PCDHA4: variants seen among roughly 807,000 people sequenced by gnomAD.
The protein encoded by PCDHA4 is protocadherin alpha 4, also known as protocadherin alpha-4.
PCDHA4 carries 49 observed loss-of-function variants against 61.4 expected under a neutral mutation model. The ratio of observed to expected loss-of-function variants is 0.80; its 90% CI spans 0.63 to 1.01. PCDHA4 has a LOEUF of 1.01. Ranked by LOEUF, PCDHA4 falls within the 50% of genes least tolerant of loss-of-function variation. The probability of loss-of-function intolerance (pLI) is 0.00; values close to 1 mark genes in which losing one functional copy is unlikely to be tolerated. For missense variants in PCDHA4, 1,254 were observed against 1,235.8 expected, an observed-to-expected ratio of 1.01 and a Z score of -0.22; for synonymous variants, 590 against 550.3, an observed-to-expected ratio of 1.07 and a Z score of -1.01.
intron 1 of PCDHA4, chr5:140,842,406 A>G: frequency 6.2e-7 from 1 of 1,612,200 alleles, no homozygotes; most frequent in Non-Finnish European, 8.5e-7. Context: ...GTACGTGAAG[A>G]CGCTCAATTT....
At chr5:140,852,885 A>AT (rs2150523673) in intron 1 of PCDHA4, 18,210 of 741,434 alleles carry the variant, frequency 0.025, 18 homozygotes, top group Non-Finnish European at 0.027. Context: ...CATAAAACGT[A>AT]TTTTTTTTTT....
chr5:140,897,975 C>T (rs2066435180), intron 1 of PCDHA4, among the ~76,000 whole-genome samples: 1 of 152,228 alleles, frequency 6.6e-6, no homozygotes. Context: ...CTTTTGGCTG[C>T]ATAAATGTCT....
intron 1 of PCDHA4, chr5:140,816,072 A>G (rs1300909474): frequency 1.3e-5 from 2 of 152,144 alleles, no homozygotes; most frequent in African/African-American, 4.8e-5. Flanking sequence ...TTCAGATGTA[A>G]TTTTAAAAAA....
intron 1 of PCDHA4, chr5:140,868,729 T>C (rs1467955446): frequency 5.1e-6 from 1 of 195,146 alleles, no homozygotes; most frequent in African/African-American, 2.3e-5. Flanking sequence ...TTGATGTTAA[T>C]CGAGAAATAC....
intron 1 of PCDHA4, among the ~76,000 whole-genome samples, chr5:140,978,737 G>A (rs2096820627): frequency 6.6e-6 from 1 of 152,180 alleles, no homozygotes; most frequent in Admixed American, 6.5e-5. Context: ...GGTCTTCCAG[G>A]GTATCTAATC....
chr5:140,884,053 C>G (rs782043806), intron 1 of PCDHA4: 1 of 1,613,496 alleles, frequency 6.2e-7, no homozygotes, highest in Admixed American at 1.7e-5. Context: ...CGAAGGTGCG[C>G]GCGGTGGACG....
In PCDHA4 at chr5:140,944,181, G is replaced by A. The variant is rs112665762; in HGVS notation, c.2386-34768G>A. 4.3e-3 allele frequency among the ~76,000 whole-genome samples: 661 copies of A among 151,992 alleles called. 7 individuals are homozygous for A. Among genetic ancestry groups the A allele is most frequent in the African/African-American group, 0.015 (616 of 41,488 alleles). On this transcript the variant is annotated intron_variant, in intron 1 of 3. Coordinates refer to ENST00000530339, the MANE Select transcript of PCDHA4 (RefSeq NM_018907.4). ...AAAGGGCCAAGGCTGGTTTTTTGTTGGTTTGTTTTGTTTTGTTTTGTTTTT... is the reference window on the plus strand; with the variant it reads ...AAAGGGCCAAGGCTGGTTTTTTGTTAGTTTGTTTTGTTTTGTTTTGTTTTT...
In PCDHA4 at chr5:140,809,119, C is replaced by T; in HGVS notation, c.1932C>T (p.Arg644=). ...CCCTGGACGAAACGGACGCTCCGCGCCACCGCCTACTGGTACTGGTGAAGG... is the reference window on the plus strand; with the variant it reads ...CCCTGGACGAAACGGACGCTCCGCGTCACCGCCTACTGGTACTGGTGAAGG... The part of the protein sequence containing the change: ...TRALDETDAP[R]HRLLVLVKDH... The change falls in exon 1 of 4, where the codon CGC becomes CGT. Residue 644 remains arginine, a synonymous_variant. Transcript: ENST00000530339. The T allele has an allele frequency of 6.2e-7, 1 of 1,613,992 alleles. No homozygotes were observed. Among genetic ancestry groups the T allele is most frequent in the Non-Finnish European group, 8.5e-7 (1 of 1,179,940 alleles).
intron 1 of PCDHA4, among the ~76,000 whole-genome samples, chr5:140,972,784 C>T (rs2096555970): frequency 1.3e-5 from 2 of 151,762 alleles, no homozygotes; most frequent in South Asian, 4.2e-4. Context: ...CTGCCTCAGC[C>T]TCCTGAGTAG....
rs140660802 is a variant in PCDHA4 at position 140,849,759 on chromosome 5, G to C, written c.2385+40187G>C. 47 of 1,598,444 alleles carry C rather than the reference G, an allele frequency of 2.9e-5. 6 individuals are homozygous for C. Among genetic ancestry groups the C allele is most frequent in the Non-Finnish European group, 4.0e-5 (47 of 1,167,970 alleles). ...GGACCGCGAGAGTGTGTCCGCCTAC[G>C]AGCTGGTGGTTACCGCGCGGGACGG... On this transcript the variant is annotated intron_variant, in intron 1 of 3. Coordinates refer to ENST00000530339, the MANE Select transcript of PCDHA4 (RefSeq NM_018907.4).
rs79396364 is a variant in PCDHA4 at position 140,939,917 on chromosome 5, T to C, written c.2386-39032T>C. On this transcript the variant is annotated intron_variant, in intron 1 of 3. Transcript: ENST00000530339. ...TATTCTGCATTCTTTTTTATTCTTT[T>C]TGTTTGCTTATTTTATCAGTTACTG... is the stretch of plus-strand genomic sequence containing the variant. Among the ~76,000 whole-genome samples, 828 of 152,316 alleles carry C rather than the reference T, an allele frequency of 5.4e-3. 3 individuals carry two copies. The highest frequency in any genetic ancestry group is 0.019 in the African/African-American group (797 of 41,560).
At chr5:140,949,290 G>C (rs552572317) in intron 1 of PCDHA4, among the ~76,000 whole-genome samples, 5 of 151,900 alleles carry the variant, frequency 3.3e-5, no homozygotes, top group South Asian at 2.1e-4. Flanking sequence ...TGTATATTCT[G>C]TAATTGTTGG....
At chr5:140,916,270 G>T (rs1487301756) in intron 1 of PCDHA4, among the ~76,000 whole-genome samples, 2 of 152,180 alleles carry the variant, frequency 1.3e-5, no homozygotes, top group Non-Finnish European at 2.9e-5. Context: ...GAGCATGCTT[G>T]TTGCTCTACT....
intron 1 of PCDHA4, chr5:140,858,744 A>G: frequency 2.2e-6 from 1 of 461,862 alleles, no homozygotes; most frequent in South Asian, 3.0e-5. Flanking sequence ...TTTCATAATC[A>G]CTTTTCGTTA....
At chr5:140,823,378 AGC>A in intron 1 of PCDHA4, 1 of 1,612,736 alleles carries the variant, frequency 6.2e-7, no homozygotes, top group Non-Finnish European at 8.5e-7. Context: ...GTTCCAGGTG[AGC>A]GCGCGCGACG....
chr5:140,982,362 A>ATTCTGCTC, intron 2 of PCDHA4, 113 bp from the exon 3 acceptor site: 1 of 1,531,968 alleles, frequency 6.5e-7, no homozygotes, highest in Non-Finnish European at 8.8e-7. Context: ...GCATGAGCAG[A>ATTCTGCTC]ATGTGTTAGC....
chr5:140,822,420 T>A, intron 1 of PCDHA4: 1 of 1,614,088 alleles, frequency 6.2e-7, no homozygotes, highest in Non-Finnish European at 8.5e-7. Flanking sequence ...TTGCAACTGA[T>A]GGAGGAAAAC....
At chr5:140,977,096 G>A (rs1401413424) in intron 1 of PCDHA4, among the ~76,000 whole-genome samples, 1 of 152,182 alleles carries the variant, frequency 6.6e-6, no homozygotes, top group East Asian at 1.9e-4. Flanking sequence ...TGTGTCATTG[G>A]GGAAGTGAGA....
Position 140,871,139 on chromosome 5 carries a change from C to T in PCDHA4, c.2385+61567C>T, listed in dbSNP as rs782085001. 8 of 1,613,312 alleles carry T rather than the reference C, an allele frequency of 5.0e-6. No individual in the cohort carries two copies. The African/African-American group carries it at 6.7e-5, about 13-fold the overall frequency. On this transcript the variant is annotated intron_variant, in intron 1 of 3. Coordinates refer to ENST00000530339, the MANE Select transcript of PCDHA4 (RefSeq NM_018907.4). ...AGCGGACAGGCGCCAAAGGCCTCTTCCCGGACTTTGGCGGGCGCCGCGAGC... is the reference window on the plus strand; with the variant it reads ...AGCGGACAGGCGCCAAAGGCCTCTTTCCGGACTTTGGCGGGCGCCGCGAGC...
Sources: allele counts gnomAD v4.1 joint callset (sites outside exome capture counted in the v4.1 genomes callset), GRCh38; gene constraint gnomAD v4.1.1; transcripts MANE v1.5; gene names NCBI Gene and HGNC (gene_info 2026-07-23, HGNC 2026-07-21).